ENOX2: variants seen among roughly 807,000 people sequenced by gnomAD.
The protein encoded by ENOX2 is APK1 antigen.
A neutral mutation model predicts 45.0 loss-of-function variants in ENOX2; 36 were observed. The observed-to-expected ratio is 0.80, with a 90% CI of 0.61 to 1.06. ENOX2 has a LOEUF of 1.06. ENOX2 is among the 50% of genes least tolerant of loss of function. The probability of loss-of-function intolerance (pLI) is 0.00; values close to 1 mark genes in which losing one functional copy is unlikely to be tolerated. For missense variants in ENOX2, 423 were observed against 462.5 expected (o/e 0.91, Z 0.78); for synonymous variants, 174 against 152.3 (o/e 1.14, Z -1.05).
At chrX:130,775,789 G>GT (rs372520183) in intron 3 of ENOX2, among the ~76,000 whole-genome samples, 194 of 106,906 alleles carry the variant, frequency 1.8e-3, no homozygotes, top group African/African-American at 3.4e-3. Flanking sequence ...GGTGTTTTGT[G>GT]TTTTTTTTTT....
At position 130,635,070 on chromosome X, in the gene ENOX2, C is replaced by A; in HGVS notation, c.1333G>T (p.Glu445Ter). 8.6e-7 allele frequency: 1 copy of A among 1,164,823 alleles called. No individual in the cohort carries two copies. ...MQQHLLKVQE[E>*]YKKKEAELEK... ...AGTTCAGCTTCTTTCTTTTTGTATT[C>A]CTCTTGGACTTTGAGTAGATGCTAC... Residue 445 changes from glutamate to a stop codon, truncating the protein, a stop_gained, in exon 12 of 15, where the codon GAA (glutamate) becomes TAA (stop). Coordinates refer to ENST00000394363, the MANE Select transcript of ENOX2 (RefSeq NM_006375.4). LOFTEE classifies it high-confidence loss of function.
Position 130,670,114 on chromosome X carries a change from A to G in ENOX2, c.545T>C (p.Leu182Pro), listed in dbSNP as rs1179319645. ...ACGCTGTTTACACTCCCACTCATACAGGTCATCTCGAGCCTGTGCGAAATC... is the reference window on the plus strand; with the variant it reads ...ACGCTGTTTACACTCCCACTCATACGGGTCATCTCGAGCCTGTGCGAAATC... ...HVDFAQARDD[L>P]YEWECKQRML... The change falls in exon 7 of 15, where the codon CTG becomes CCG. Residue 182 changes from leucine (L) to proline (P), a missense_variant. Physicochemically the swap from Leu to Pro is moderately conservative, Grantham distance 98. Around this residue, in one of 5 missense-constraint regions of ENOX2, gnomAD observed 261 missense variants for 306.8 expected, o/e 0.85. Coordinates refer to ENST00000394363, the MANE Select transcript of ENOX2 (RefSeq NM_006375.4). 1 of 1,210,681 alleles carries G rather than the reference A, an allele frequency of 8.3e-7. No homozygotes were observed. Among genetic ancestry groups the G allele is most frequent in the East Asian group, 3.0e-5 (1 of 33,809 alleles).
At chrX:130,889,149 G>A (rs767933298) in intron 2 of ENOX2, among the ~76,000 whole-genome samples, 1 of 111,984 alleles carries the variant, frequency 8.9e-6, no homozygotes, top group East Asian at 2.8e-4. Flanking sequence ...GAAGTCCTGG[G>A]GTGGCCACAC....
chrX:130,813,274 G>A (rs956584474), intron 2 of ENOX2, among the ~76,000 whole-genome samples: 1 of 112,069 alleles, frequency 8.9e-6, no homozygotes, highest in Non-Finnish European at 1.9e-5. Flanking sequence ...CCAAGAACAC[G>A]CAAGGAGAAA....
chrX:130,656,652 C>T lies in ENOX2; in HGVS notation c.1058G>A (p.Arg353Gln), dbSNP rs762259000. The change falls in exon 10 of 15, where the codon CGA (arginine) becomes CAA (glutamine). Residue 353 changes from arginine (R) to glutamine (Q), a missense_variant. Transcript: ENST00000394363. ...IHNDELMGIRREEEMEMSDDE... is the reference protein window; with the variant it reads ...IHNDELMGIRQEEEMEMSDDE... The stretch of plus-strand genomic sequence containing the variant: ...ATCAGACATTTCCATTTCTTCTTCT[C>T]GCCTGATTCCCATTAATTCATCATT... 1.6e-5 allele frequency: 19 copies of T among 1,176,759 alleles called. No individual in the cohort carries two copies. The highest frequency in any genetic ancestry group is 2.3e-5 in the Admixed American group (1 of 44,211).
intron 2 of ENOX2, among the ~76,000 whole-genome samples, chrX:130,852,641 AT>A (rs1456306800): frequency 9.0e-6 from 1 of 111,296 alleles, no homozygotes; most frequent in Non-Finnish European, 1.9e-5. Flanking sequence ...GGTCACTAAA[AT>A]TACTGTGTCC....
At position 130,648,499 on chromosome X, in the gene ENOX2, T is replaced by G. The variant is rs182990026; in HGVS notation, c.1129+8082A>C. Reference sequence around the variant, plus strand: ...ATTAGCTATAAATGGTGAAAGAAGGTTTTATCTAAAGGAATTTCAAAGAGA... The same window carrying G: ...ATTAGCTATAAATGGTGAAAGAAGGGTTTATCTAAAGGAATTTCAAAGAGA... On this transcript the variant is annotated intron_variant, in intron 10 of 14. Transcript: ENST00000394363. 3.9e-3 allele frequency among the ~76,000 whole-genome samples: 434 copies of G among 109,874 alleles called. 2 individuals are homozygous for G. The highest frequency in any genetic ancestry group is 0.014 in the African/African-American group (420 of 30,224).
chrX:130,850,583 ATTAAGTTAGCATCCTCCT>A (rs1269079500), intron 2 of ENOX2, among the ~76,000 whole-genome samples: 1 of 112,231 alleles, frequency 8.9e-6, no homozygotes, highest in Non-Finnish European at 1.9e-5. Context: ...AAGTACACCC[ATTAAGTTAGCATCCTCCT>A]TGAATCAGCA....
chrX:130,782,503 T>A (rs2076911956), intron 3 of ENOX2, among the ~76,000 whole-genome samples: 1 of 111,616 alleles, frequency 9.0e-6, no homozygotes, highest in East Asian at 2.8e-4. Flanking sequence ...TTCTTGAGGG[T>A]TCCATGTAAC....
chrX:130,868,432 T>C (rs1416996082), intron 2 of ENOX2, among the ~76,000 whole-genome samples: 1 of 111,965 alleles, frequency 8.9e-6, no homozygotes, highest in Non-Finnish European at 1.9e-5. Context: ...AATGTCAACA[T>C]GGTGAAAAAG....
intron 10 of ENOX2, among the ~76,000 whole-genome samples, chrX:130,646,605 T>C (rs1053403306): frequency 8.9e-6 from 1 of 112,416 alleles, no homozygotes; most frequent in African/African-American, 3.2e-5. Context: ...GTGTTGGCGT[T>C]CTTGCATGAC....
At chrX:130,883,785 G>A (rs1435063667) in intron 2 of ENOX2, among the ~76,000 whole-genome samples, 3 of 110,822 alleles carry the variant, frequency 2.7e-5, no homozygotes, top group Non-Finnish European at 5.7e-5. Context: ...TCCATCAGAC[G>A]ACTCAACTTC....
intron 13 of ENOX2, among the ~76,000 whole-genome samples, chrX:130,628,929 T>G (rs189145195): frequency 9.0e-6 from 1 of 111,136 alleles, no homozygotes; most frequent in East Asian, 2.8e-4. Context: ...CCTCCTTTCA[T>G]AAGATCTTAA....
intron 3 of ENOX2, among the ~76,000 whole-genome samples, chrX:130,775,050 A>G (rs2039820649): frequency 8.9e-6 from 1 of 112,092 alleles, no homozygotes; most frequent in South Asian, 3.7e-4. Context: ...AGTACCATAA[A>G]AACTTCTCTG....
chrX:130,902,588 A>G (rs762473921), intron 1 of ENOX2, among the ~76,000 whole-genome samples: 5 of 109,904 alleles, frequency 4.5e-5, no homozygotes, highest in Non-Finnish European at 9.5e-5. Flanking sequence ...TGCCCCAAAG[A>G]AAATGGGGAG....
At chrX:130,881,996 ACAAGTAAAATATGGT>A (rs1313700693) in intron 2 of ENOX2, among the ~76,000 whole-genome samples, 2 of 111,892 alleles carry the variant, frequency 1.8e-5, no homozygotes, top group African/African-American at 6.5e-5. Flanking sequence ...GTGCTAAGAG[ACAAGTAAAATATGGT>A]CATGACTTCA....
At chrX:130,794,421 C>A (rs964797762) in intron 2 of ENOX2, among the ~76,000 whole-genome samples, 1 of 112,428 alleles carries the variant, frequency 8.9e-6, no homozygotes, top group African/African-American at 3.2e-5. Flanking sequence ...GTTCTCCCTG[C>A]AGAAACCACT....
At chrX:130,866,856 C>T (rs1352646844) in intron 2 of ENOX2, among the ~76,000 whole-genome samples, 1 of 110,063 alleles carries the variant, frequency 9.1e-6, no homozygotes, top group Admixed American at 9.8e-5. Flanking sequence ...ACTTGTTAAC[C>T]CCATTTTTTT....
At chrX:130,820,233 G>C (rs1484757980) in intron 2 of ENOX2, among the ~76,000 whole-genome samples, 1 of 112,158 alleles carries the variant, frequency 8.9e-6, no homozygotes, top group Non-Finnish European at 1.9e-5. Context: ...CTAATTATCA[G>C]GGAAATGCAG....
Sources: gnomAD v4.1 joint callset for allele counts (sites outside exome capture counted in the v4.1 genomes callset) on GRCh38, gnomAD v4.1.1 for gene constraint, gnomAD v4.1.1 regional missense constraint, MANE v1.5 for transcripts, NCBI Gene and HGNC (gene_info 2026-07-23, HGNC 2026-07-21) for gene names.